Variants in GALNT7 observed in about 807,000 individuals in gnomAD.
GALNT7 encodes the protein N-acetylgalactosaminyltransferase 7.
Under a neutral mutation model 82.1 loss-of-function variants are expected in GALNT7, and 60 were observed. The observed-to-expected ratio is 0.73, with a 90% confidence interval of 0.59 to 0.91. The LOEUF is 0.91. Ranked by LOEUF, GALNT7 falls within the 40% of genes least tolerant of loss-of-function variation. The pLI, the probability that GALNT7 is intolerant of heterozygous loss-of-function variation, is 0.00. For missense variants in GALNT7, 660 were observed against 804.2 expected (o/e 0.82, Z 2.17); for synonymous variants, 243 against 275.1 (o/e 0.88, Z 1.15).
chr4:173,234,123 T>C (rs1240789844), intron 1 of GALNT7, among the ~76,000 whole-genome samples: 1 of 152,188 alleles, frequency 6.6e-6, no homozygotes, highest in Admixed American at 6.5e-5. Context: ...GTGCCCTGTG[T>C]CTTGAACACA....
intron 9 of GALNT7, among the ~76,000 whole-genome samples, chr4:173,314,920 G>A (rs1296675276): frequency 6.6e-6 from 1 of 152,158 alleles, no homozygotes; most frequent in Non-Finnish European, 1.5e-5. Context: ...CTATGTGCCA[G>A]TCACTCTTCT....
chr4:173,253,538 T>C (rs6553687), intron 2 of GALNT7, among the ~76,000 whole-genome samples: 20,630 of 152,110 alleles, frequency 0.14, 3,395 homozygotes, highest in African/African-American at 0.39. Flanking sequence ...TAGTGGCATT[T>C]GAGTGGGAAC....
chr4:173,312,761 A>C (rs180824523), intron 8 of GALNT7, among the ~76,000 whole-genome samples: 1 of 152,228 alleles, frequency 6.6e-6, no homozygotes, highest in Non-Finnish European at 1.5e-5. Context: ...GCTTTTTCTT[A>C]AAGTGAACCA....
chr4:173,310,358 T>C (rs1580011924), intron 8 of GALNT7, among the ~76,000 whole-genome samples: 1 of 152,184 alleles, frequency 6.6e-6, no homozygotes, highest in East Asian at 1.9e-4. Flanking sequence ...CTGCCTCACA[T>C]ATAGCTCTTC....
At chr4:173,309,921 CAA>C (rs1211690168) in intron 8 of GALNT7, among the ~76,000 whole-genome samples, 2 of 151,952 alleles carry the variant, frequency 1.3e-5, no homozygotes, top group African/African-American at 2.4e-5. Flanking sequence ...CAAATTGACT[CAA>C]AAAAAGTCTA....
chr4:173,298,043 A>G (rs1267262598), intron 5 of GALNT7, 72 bp from the exon 6 acceptor site: 2 of 1,558,454 alleles, frequency 1.3e-6, no homozygotes, highest in African/African-American at 1.4e-5. Context: ...TTTCTTCCCC[A>G]TGAACTCGTA....
At chr4:173,224,830 G>A (rs888840578) in intron 1 of GALNT7, among the ~76,000 whole-genome samples, 40 of 151,600 alleles carry the variant, frequency 2.6e-4, no homozygotes, top group African/African-American at 8.5e-4. Flanking sequence ...GGCTAACACG[G>A]TGAAACCCCG....
intron 2 of GALNT7, among the ~76,000 whole-genome samples, chr4:173,286,850 C>G (rs1221998886): frequency 1.3e-5 from 2 of 152,222 alleles, no homozygotes; most frequent in Non-Finnish European, 2.9e-5. Flanking sequence ...ACCTGATGCT[C>G]TAGTCCCTTC....
At chr4:173,318,298 C>G (rs1293974636) in intron 10 of GALNT7, 133 bp from the exon 11 acceptor site, 7 of 633,728 alleles carry the variant, frequency 1.1e-5, no homozygotes, top group African/African-American at 1.9e-5. Flanking sequence ...TGTGGACTTA[C>G]AGTTCTAAAC....
At chr4:173,314,313 T>C in intron 9 of GALNT7, 137 bp downstream of exon 9, 1 of 658,310 alleles carries the variant, frequency 1.5e-6, no homozygotes, top group South Asian at 1.8e-5. Context: ...TCTACCACCT[T>C]TCCACTAAAC....
At chr4:173,256,164 G>A (rs930855117) in intron 2 of GALNT7, among the ~76,000 whole-genome samples, 14 of 152,146 alleles carry the variant, frequency 9.2e-5, no homozygotes, top group African/African-American at 3.1e-4. Context: ...AAGAAATGGG[G>A]AGTTTACCGG....
intron 8 of GALNT7, among the ~76,000 whole-genome samples, chr4:173,306,945 A>G (rs927436456): frequency 2.6e-5 from 4 of 152,022 alleles, no homozygotes; most frequent in African/African-American, 9.7e-5. Context: ...AGCTTCCTCT[A>G]TGGGGGAAGG....
intron 1 of GALNT7, among the ~76,000 whole-genome samples, chr4:173,238,822 T>A (rs915731338): frequency 1.3e-5 from 2 of 152,250 alleles, no homozygotes; most frequent in Non-Finnish European, 2.9e-5. Flanking sequence ...TCAAATTTCA[T>A]GTGTTACATA....
intron 1 of GALNT7, among the ~76,000 whole-genome samples, chr4:173,217,193 A>G (rs879425794): frequency 1.8e-4 from 28 of 152,136 alleles, no homozygotes; most frequent in Admixed American, 1.8e-3. Context: ...CCATTAAGTT[A>G]AAAAATGCAT....
intron 1 of GALNT7, among the ~76,000 whole-genome samples, chr4:173,186,090 C>T (rs558887479): frequency 1.3e-5 from 2 of 152,264 alleles, no homozygotes; most frequent in Non-Finnish European, 2.9e-5. Context: ...AAGGTCATGG[C>T]TTAAGCCAAT....
rs768197928 is a variant in GALNT7, at chr4:173,248,097, T to G, written c.244T>G (p.Leu82Val). ...WPHVEGVEVD[L>V]ESIRRINKAK... ...TCATGTTGAAGGAGTAGAAGTGGACTTAGAGTCTATTAGAAGAATAAACAA... is the reference window on the plus strand; with the variant it reads ...TCATGTTGAAGGAGTAGAAGTGGACGTAGAGTCTATTAGAAGAATAAACAA... Residue 82 changes from leucine (L) to valine (V), a missense_variant, in exon 2 of 12, where the codon TTA (leucine) becomes GTA (valine). Physicochemically the swap from Leu to Val is conservative, Grantham distance 32. This residue lies in a region of GALNT7 where 133 missense variants were observed against 120.7 expected (regional missense o/e 1.10). Transcript: ENST00000265000. 6.2e-6 allele frequency: 10 copies of G among 1,613,602 alleles called. No homozygotes were observed. Among genetic ancestry groups the G allele is most frequent in the Non-Finnish European group, 7.6e-6 (9 of 1,179,646 alleles).
intron 2 of GALNT7, among the ~76,000 whole-genome samples, chr4:173,266,693 T>C (rs1412257517): frequency 6.6e-6 from 1 of 152,128 alleles, no homozygotes; most frequent in Non-Finnish European, 1.5e-5. Flanking sequence ...AGAACAGATA[T>C]AAAAATAATA....
At chr4:173,270,543 C>T (rs757269041) in intron 2 of GALNT7, among the ~76,000 whole-genome samples, 33 of 152,254 alleles carry the variant, frequency 2.2e-4, no homozygotes, top group Middle Eastern at 6.8e-3. Context: ...TAATCTTGGA[C>T]GCCTATCTCA....
intron 1 of GALNT7, among the ~76,000 whole-genome samples, chr4:173,232,622 A>G (rs1734066558): frequency 6.6e-6 from 1 of 151,956 alleles, no homozygotes; most frequent in Non-Finnish European, 1.5e-5. Flanking sequence ...TTTTGTAAAG[A>G]TGGGGGTCTC....
Sources: allele counts gnomAD v4.1 joint callset (sites outside exome capture counted in the v4.1 genomes callset), GRCh38; gene constraint gnomAD v4.1.1; regional missense constraint gnomAD v4.1.1; transcripts MANE v1.5; gene names NCBI Gene and HGNC (gene_info 2026-07-23, HGNC 2026-07-21).